The following PCDH15 variants were observed in gnomAD, a reference collection of about 807,000 sequenced individuals.
The protein encoded by PCDH15 is protocadherin related 15.
A neutral mutation model predicts 178.5 loss-of-function variants in PCDH15; 129 were observed. The observed-to-expected ratio is 0.72, with a 90% CI of 0.63 to 0.84. The LOEUF is 0.84. PCDH15 is among the 40% of genes least tolerant of loss of function. The pLI, the probability that PCDH15 is intolerant of heterozygous loss-of-function variation, is 0.00. For synonymous variants in PCDH15, 800 were observed against 732.0 expected (o/e 1.09, Z -1.50); for missense variants, 2,230 against 2,099.9 (o/e 1.06, Z -1.21).
At chr10:55,556,368 T>A (rs1404909695) in intron 2 of PCDH15, among the ~76,000 whole-genome samples, 3 of 152,164 alleles carry the variant, frequency 2.0e-5, no homozygotes, top group Non-Finnish European at 4.4e-5. Context: ...TTGCTGCATA[T>A]CTTTGCCTCT....
chr10:54,144,359 G>C (rs544571777), intron 14 of PCDH15, among the ~76,000 whole-genome samples: 82 of 152,170 alleles, frequency 5.4e-4, no homozygotes, highest in Non-Finnish European at 8.4e-4. Context: ...TGAAACTTTT[G>C]TGAATTGTTT....
intron 1 of PCDH15, among the ~76,000 whole-genome samples, chr10:55,256,606 C>A (rs1482664764): frequency 6.6e-6 from 1 of 152,176 alleles, no homozygotes; most frequent in Non-Finnish European, 1.5e-5. Flanking sequence ...GGGTCCCATG[C>A]CCATGAAGCC....
intron 15 of PCDH15, among the ~76,000 whole-genome samples, chr10:54,105,394 AGTAGT>A (rs1475176220): frequency 6.6e-5 from 10 of 150,552 alleles, no homozygotes; most frequent in African/African-American, 2.4e-4. Flanking sequence ...GAGTTTATTA[AGTAGT>A]ATTAACTCAC....
intron 23 of PCDH15, among the ~76,000 whole-genome samples, chr10:53,944,326 T>C (rs2086342205): frequency 6.6e-6 from 1 of 152,216 alleles, no homozygotes; most frequent in African/African-American, 2.4e-5. Flanking sequence ...ATCTCTAATG[T>C]CTTTTCTAGT....
At chr10:55,513,388 G>A (rs758276932) in intron 2 of PCDH15, among the ~76,000 whole-genome samples, 4 of 151,962 alleles carry the variant, frequency 2.6e-5, no homozygotes, top group Non-Finnish European at 4.4e-5. Flanking sequence ...GTATTCTCTA[G>A]TATTGATTAT....
At chr10:55,380,671 A>T (rs1005605658) in intron 2 of PCDH15, among the ~76,000 whole-genome samples, 1 of 152,082 alleles carries the variant, frequency 6.6e-6, no homozygotes, top group African/African-American at 2.4e-5. Context: ...CCACCTCTGC[A>T]TTGGCCACGC....
chr10:54,167,634 C>T (rs998537196), intron 13 of PCDH15, among the ~76,000 whole-genome samples: 3 of 151,932 alleles, frequency 2.0e-5, no homozygotes, highest in Non-Finnish European at 2.9e-5. Flanking sequence ...TAACCCTTCT[C>T]TGCTTTTCTG....
At chr10:54,178,551 C>G (rs574308812) in intron 13 of PCDH15, among the ~76,000 whole-genome samples, 2 of 151,812 alleles carry the variant, frequency 1.3e-5, no homozygotes, top group Non-Finnish European at 2.9e-5. Context: ...GGAGTGCAGT[C>G]TAAGACAGGA....
At chr10:55,120,497 G>A (rs1343988560) in intron 2 of PCDH15, among the ~76,000 whole-genome samples, 2 of 152,064 alleles carry the variant, frequency 1.3e-5, no homozygotes, top group Non-Finnish European at 2.9e-5. Flanking sequence ...CCAGGACTGA[G>A]ATCTGGATCA....
chr10:53,813,670 T>C (rs2075958635), intron 35 of PCDH15, among the ~76,000 whole-genome samples: 1 of 152,172 alleles, frequency 6.6e-6, no homozygotes, highest in African/African-American at 2.4e-5. Context: ...CAGTCCCAAA[T>C]TGGAAACAAT....
chr10:53,842,626 A>G (rs1317196843), intron 28 of PCDH15, among the ~76,000 whole-genome samples: 1 of 152,210 alleles, frequency 6.6e-6, no homozygotes. Context: ...GCTTTTACAC[A>G]GTTCCTAGCA....
chr10:55,102,340 G>T (rs1842594070), intron 2 of PCDH15, among the ~76,000 whole-genome samples: 1 of 151,904 alleles, frequency 6.6e-6, no homozygotes, highest in Non-Finnish European at 1.5e-5. Context: ...CATTAGAGAG[G>T]TCTCCTGTTA....
intron 2 of PCDH15, among the ~76,000 whole-genome samples, chr10:55,060,656 A>C (rs1841406759): frequency 6.6e-6 from 1 of 152,032 alleles, no homozygotes; most frequent in African/African-American, 2.4e-5. Context: ...AAAAATGGAT[A>C]ATAGGGGAAG....
chr10:55,607,697 A>G (rs1463874498), intron 2 of PCDH15, among the ~76,000 whole-genome samples: 47 of 139,268 alleles, frequency 3.4e-4, no homozygotes, highest in South Asian at 7.0e-4. Flanking sequence ...GAATTGAACA[A>G]TGAGATCACA....
chr10:53,820,339 T>TAATC (rs2076213413), intron 32 of PCDH15, 109 bp from the exon 33 acceptor site: 11 of 392,748 alleles, frequency 2.8e-5, no homozygotes, highest in East Asian at 1.1e-4. Flanking sequence ...CTAATAAAAA[T>TAATC]AATCAGATTT....
chr10:55,051,780 G>A (rs966297989), intron 2 of PCDH15, among the ~76,000 whole-genome samples: 3 of 152,176 alleles, frequency 2.0e-5, no homozygotes, highest in Non-Finnish European at 4.4e-5. Context: ...TCCTGGAAGT[G>A]TATTCAATTG....
At chr10:54,681,029 T>C (rs1276569686) in intron 1 of PCDH15, among the ~76,000 whole-genome samples, 1 of 152,092 alleles carries the variant, frequency 6.6e-6, no homozygotes, top group Admixed American at 6.5e-5. Flanking sequence ...GGCATACCAC[T>C]TTCAATGGCT....
intron 2 of PCDH15, among the ~76,000 whole-genome samples, chr10:54,934,347 G>T (rs1564642256): frequency 6.6e-6 from 1 of 152,076 alleles, no homozygotes; most frequent in Non-Finnish European, 1.5e-5. Flanking sequence ...TATGTTAATA[G>T]TTATATATAA....
chr10:54,716,977 T>C (rs1428109038), intron 1 of PCDH15, among the ~76,000 whole-genome samples: 1 of 148,650 alleles, frequency 6.7e-6, no homozygotes, highest in Non-Finnish European at 1.5e-5. Flanking sequence ...CTATCTGATC[T>C]TTGACAAACC....
Sources: allele counts gnomAD v4.1 joint callset (sites outside exome capture counted in the v4.1 genomes callset), GRCh38; gene constraint gnomAD v4.1.1; transcripts MANE v1.5; gene names NCBI Gene and HGNC (gene_info 2026-07-23, HGNC 2026-07-21).